SRD5A2: variants seen among roughly 807,000 people sequenced by gnomAD.
SRD5A2 encodes steroid 5 alpha-reductase 2, also known as 3-oxo-5-alpha-steroid 4-dehydrogenase 2.
A neutral mutation model predicts 27.4 loss-of-function variants in SRD5A2; 30 were observed. The observed-to-expected ratio is 1.10, with a 90% CI of 0.82 to 1.49. The LOEUF is 1.49. Ranked by LOEUF, SRD5A2 falls within the 40% of genes most tolerant of loss-of-function variation. The pLI is 0.00. For synonymous variants in SRD5A2, 141 were observed against 133.6 expected (o/e 1.06, Z -0.38); for missense variants, 348 against 323.4 (o/e 1.08, Z -0.58).
At chr2:31,542,622 G>A (rs1330757983) in intron 1 of SRD5A2, among the ~76,000 whole-genome samples, 4 of 152,038 alleles carry the variant, frequency 2.6e-5, no homozygotes, top group Non-Finnish European at 5.9e-5. Flanking sequence ...AAGAACATCT[G>A]GAGCTAAAAA....
intron 1 of SRD5A2, among the ~76,000 whole-genome samples, chr2:31,555,027 G>A (rs1666467010): frequency 6.7e-6 from 1 of 150,318 alleles, no homozygotes; most frequent in African/African-American, 2.5e-5. Context: ...CAGACATAAG[G>A]TAATGTGCCC....
intron 1 of SRD5A2, among the ~76,000 whole-genome samples, chr2:31,559,418 A>T (rs936975485): frequency 1.3e-5 from 2 of 152,176 alleles, no homozygotes; most frequent in Non-Finnish European, 1.5e-5. Context: ...TGTTTTTTAG[A>T]AAGTGTTTCT....
At chr2:31,649,656 T>A in the SRD5A2 span, among the ~76,000 whole-genome samples, 1 of 152,166 alleles carries the variant, frequency 6.6e-6, no homozygotes, top group Admixed American at 6.5e-5. Context: ...TGATGCATTC[T>A]CACTTTCAAT....
chr2:31,539,070 G>A (rs553763269), intron 1 of SRD5A2, among the ~76,000 whole-genome samples: 1 of 152,282 alleles, frequency 6.6e-6, no homozygotes, highest in East Asian at 1.9e-4. Flanking sequence ...AGGGGGGTGT[G>A]AAGTGGAGAT....
intron 1 of SRD5A2, among the ~76,000 whole-genome samples, chr2:31,557,518 A>T (rs892392271): frequency 6.6e-6 from 1 of 152,192 alleles, no homozygotes; most frequent in Admixed American, 6.5e-5. Flanking sequence ...TTCAAGGGTT[A>T]TACCATAGGA....
At chr2:31,625,068 G>A in the SRD5A2 span, among the ~76,000 whole-genome samples, 1 of 152,110 alleles carries the variant, frequency 6.6e-6, no homozygotes, top group Non-Finnish European at 1.5e-5. Context: ...GGTGTGAGAT[G>A]GTATCTCATT....
chr2:31,597,269 C>A, the SRD5A2 span, among the ~76,000 whole-genome samples: 1 of 151,988 alleles, frequency 6.6e-6, no homozygotes, highest in African/African-American at 2.4e-5. Flanking sequence ...TGGCAAACCA[C>A]ATGTAGAAGA....
At chr2:31,655,944 A>G in the SRD5A2 span, among the ~76,000 whole-genome samples, 1 of 152,198 alleles carries the variant, frequency 6.6e-6, no homozygotes, top group Non-Finnish European at 1.5e-5. Flanking sequence ...GACACATCTT[A>G]AACAGAAAAT....
chr2:31,661,153 A>G, the SRD5A2 span, among the ~76,000 whole-genome samples: 507 of 152,286 alleles, frequency 3.3e-3, 2 homozygotes, highest in Non-Finnish European at 4.6e-3. Context: ...CCAAAGGAAT[A>G]AAAGGCACTT....
At chr2:31,546,214 T>A (rs1406038087) in intron 1 of SRD5A2, among the ~76,000 whole-genome samples, 3 of 151,552 alleles carry the variant, frequency 2.0e-5, no homozygotes, top group Non-Finnish European at 4.4e-5. Flanking sequence ...ACTATAAAAT[T>A]CAAATGGAAT....
At chr2:31,614,932 G>A in the SRD5A2 span, among the ~76,000 whole-genome samples, 1 of 152,054 alleles carries the variant, frequency 6.6e-6, no homozygotes. Context: ...CATACTGTTT[G>A]CATAGTAGTG....
intron 1 of SRD5A2, among the ~76,000 whole-genome samples, chr2:31,542,255 C>T (rs1259872037): frequency 6.6e-6 from 1 of 152,192 alleles, no homozygotes; most frequent in African/African-American, 2.4e-5. Flanking sequence ...TATCAAAATA[C>T]TTCATGTACC....
intron 1 of SRD5A2, among the ~76,000 whole-genome samples, chr2:31,572,496 G>A (rs1019149486): frequency 1.3e-5 from 2 of 152,096 alleles, no homozygotes; most frequent in Admixed American, 6.6e-5. Context: ...GAATAAAAGA[G>A]ACAAGTCACA....
chr2:31,547,802 T>A (rs1389014210), intron 1 of SRD5A2, among the ~76,000 whole-genome samples: 1 of 152,156 alleles, frequency 6.6e-6, no homozygotes, highest in Non-Finnish European at 1.5e-5. Context: ...TCAGCCTACA[T>A]AATCAAGTGA....
chr2:31,559,838 ACACAC>A (rs1558368816), intron 1 of SRD5A2, among the ~76,000 whole-genome samples: 35,668 of 145,890 alleles, frequency 0.24, 5,120 homozygotes, highest in East Asian at 0.33. Flanking sequence ...AAACAAACCC[ACACAC>A]ACACACACAC....
intron 1 of SRD5A2, among the ~76,000 whole-genome samples, chr2:31,567,960 C>G (rs2148095018): frequency 6.6e-6 from 1 of 152,228 alleles, no homozygotes; most frequent in Admixed American, 6.5e-5. Flanking sequence ...TGAGTGAGCG[C>G]AGGGTCCAGC....
chr2:31,610,247 GA>G, the SRD5A2 span, among the ~76,000 whole-genome samples: 1 of 152,040 alleles, frequency 6.6e-6, no homozygotes, highest in Non-Finnish European at 1.5e-5. Flanking sequence ...ATATACTGAT[GA>G]AGACAGATTC....
At chr2:31,560,090 C>T (rs1666590207) in intron 1 of SRD5A2, among the ~76,000 whole-genome samples, 1 of 134,952 alleles carries the variant, frequency 7.4e-6, no homozygotes, top group Non-Finnish European at 1.6e-5. Context: ...AGTCATTGAC[C>T]ATTGGGAATC....
chr2:31,622,487 G>A, the SRD5A2 span, among the ~76,000 whole-genome samples: 5 of 152,194 alleles, frequency 3.3e-5, no homozygotes, highest in African/African-American at 7.2e-5. Flanking sequence ...TGAATATGAC[G>A]GAAGAGGTAA....
Sources: gnomAD v4.1 joint callset for allele counts (sites outside exome capture counted in the v4.1 genomes callset) on GRCh38, gnomAD v4.1.1 for gene constraint, MANE v1.5 for transcripts, NCBI Gene and HGNC (gene_info 2026-07-23, HGNC 2026-07-21) for gene names.